The following METTL14 variants were observed in gnomAD, a reference collection of about 807,000 sequenced individuals.
The protein encoded by METTL14 is N(6)-adenosine-methyltransferase non-catalytic subunit METTL14.
METTL14 carries 32 observed loss-of-function variants against 62.4 expected under a neutral mutation model. The observed-to-expected ratio is 0.51, with a 90% CI of 0.39 to 0.69. The LOEUF (loss-of-function observed/expected upper bound fraction) is 0.69, where lower values mean the gene tolerates loss of function less well. Ranked by LOEUF, METTL14 falls within the 30% of genes least tolerant of loss-of-function variation. The pLI is 0.00. For synonymous variants in METTL14, 150 were observed against 180.0 expected, an observed-to-expected ratio of 0.83 and a Z score of 1.34; for missense variants, 340 against 551.9, an observed-to-expected ratio of 0.62 and a Z score of 3.85.
rs1390657568 is a variant in METTL14, at chr4:118,710,563, T to C, written c.*261T>C. 2.0e-5 allele frequency: 7 copies of C among 351,022 alleles called. No homozygotes were observed. The highest frequency in any genetic ancestry group is 3.6e-5 in the Non-Finnish European group (7 of 194,912). The allele number at this position is 351,022 out of a possible 1,614,324, so 21.7% of individuals were successfully genotyped here. ...CTCAAGTAGCTTCATCTTCAGAGAC[T>C]GAATTTATTCTGATAGACTTCAGCT... On this transcript the variant is annotated 3_prime_UTR_variant, in exon 11 of 11. Transcript: ENST00000388822.
At chr4:118,687,839 T>C in intron 1 of METTL14, 84 bp from the exon 2 acceptor site, 1 of 1,030,744 alleles carries the variant, frequency 9.7e-7, no homozygotes, top group South Asian at 1.4e-5. Flanking sequence ...TTTTTAAGTA[T>C]TTAATGTATT....
chr4:118,694,066 ATT>A (rs397816626), intron 5 of METTL14, among the ~76,000 whole-genome samples: 5 of 136,696 alleles, frequency 3.7e-5, no homozygotes, highest in Admixed American at 1.5e-4. Context: ...TAGGATAAGG[ATT>A]TTTTTTTTTT....
rs1416213835 is a variant in METTL14 at position 118,713,976 on chromosome 4, A to T, written c.*3674A>T. The T allele has an allele frequency of 6.6e-6, 1 of 152,208 alleles. No individual in the cohort carries two copies. The highest frequency in any genetic ancestry group is 1.9e-4 in the East Asian group (1 of 5,200). The allele number at this position is 152,208 out of a possible 1,614,324, so 9.4% of individuals were successfully genotyped here. ...TTTTTCCACTACTGGATAAAATATT[A>T]AAATGATCAGTTTGAGTGTATGTTA... On this transcript the variant is annotated 3_prime_UTR_variant, in exon 11 of 11. Coordinates refer to ENST00000388822, the MANE Select transcript of METTL14 (RefSeq NM_020961.4).
rs1277147983 is a variant in METTL14 at position 118,686,591 on chromosome 4, AT to A, written c.66+994del. 3 of 456,088 alleles carry A rather than the reference AT, an allele frequency of 6.6e-6. No homozygotes were observed. In the East Asian group the frequency reaches 2.1e-4, roughly 32 times the overall value. The allele number at this position is 456,088 out of a possible 1,614,324, so 28.3% of individuals were successfully genotyped here. A position where few individuals can be genotyped will look rare whatever the true frequency, so the allele number is the denominator to read the frequency against. On this transcript the variant is annotated intron_variant, in intron 1 of 10. Transcript: ENST00000388822. ...TAAAACCGTGGAAACTTGGAGTCAG[AT>A]TTGTTCCTTTGTTCCTTATCCCGCT...
At chr4:118,699,158 G>A (rs1724514324) in intron 7 of METTL14, among the ~76,000 whole-genome samples, 3 of 152,090 alleles carry the variant, frequency 2.0e-5, no homozygotes, top group East Asian at 1.9e-4. Context: ...CTTAGGAAAC[G>A]GATTAGAATC....
intron 5 of METTL14, 133 bp downstream of exon 5, chr4:118,692,201 G>T: frequency 1.2e-5 from 7 of 572,546 alleles, no homozygotes; most frequent in East Asian, 3.1e-5. Flanking sequence ...AGTGCTTCTG[G>T]TATACCTTCT....
intron 7 of METTL14, among the ~76,000 whole-genome samples, chr4:118,698,327 C>G (rs1724481186): frequency 6.6e-6 from 1 of 151,716 alleles, no homozygotes; most frequent in African/African-American, 2.4e-5. Flanking sequence ...GTGGCACGTA[C>G]CTGTAATCCC....
chr4:118,697,467 G>T lies in METTL14; in HGVS notation c.645+144G>T. The T allele has an allele frequency of 4.2e-6, 3 of 707,798 alleles. No homozygotes were observed. In the South Asian group the frequency reaches 8.1e-5, roughly 19 times the overall value. The allele number at this position is 707,798 out of a possible 1,614,324, so 43.8% of individuals were successfully genotyped here. ...TTTATAGTGTAAATTATAGCTGAAG[G>T]TCCAAGGTACATTGACTAATATTAC... On this transcript the variant is annotated intron_variant, in intron 7 of 10. Transcript: ENST00000388822.
rs1724247911 is a variant in METTL14, at chr4:118,691,583, A to G, written c.295A>G (p.Ile99Val). The change falls in exon 4 of 11, where the codon ATT becomes GTT. Residue 99 changes from isoleucine to valine, a missense_variant. Physicochemically the swap from Ile to Val is conservative, Grantham distance 29. Coordinates refer to ENST00000388822, the MANE Select transcript of METTL14 (RefSeq NM_020961.4). ...DEENLPYEEEIYKDSSTFLKG... is the reference protein window; with the variant it reads ...DEENLPYEEEVYKDSSTFLKG... ...AGAAAATTTGCCATATGAAGAAGAG[A>G]TTTACAAAGATTCTAGTACTTTTCT... The G allele has an allele frequency of 6.5e-7, 1 of 1,547,834 alleles. No homozygotes were observed. Among genetic ancestry groups the G allele is most frequent in the African/African-American group, 1.4e-5 (1 of 72,056 alleles).
chr4:118,688,771 T>C (rs956772334), intron 2 of METTL14, among the ~76,000 whole-genome samples: 3 of 152,144 alleles, frequency 2.0e-5, no homozygotes, highest in Admixed American at 6.5e-5. Flanking sequence ...CCTCCAGGGT[T>C]GAAGCAATTC....
In METTL14 at chr4:118,710,654, T is replaced by C. The variant is rs1049352665; in HGVS notation, c.*352T>C. On this transcript the variant is annotated 3_prime_UTR_variant, in exon 11 of 11. Coordinates refer to ENST00000388822, the MANE Select transcript of METTL14 (RefSeq NM_020961.4). ...GAAAAAGATCCAGTCTGTGGTATCA[T>C]GCTAGTGCTGACAGGGCCTTGATAG... 5.7e-5 allele frequency: 10 copies of C among 176,442 alleles called. No homozygotes were observed. Among genetic ancestry groups the C allele is most frequent in the Non-Finnish European group, 1.2e-4 (10 of 84,122 alleles). 10.9% of individuals were successfully genotyped at this position (176,442 alleles called of 1,614,324 possible). A position where few individuals can be genotyped will look rare whatever the true frequency, so the allele number is the denominator to read the frequency against.
At chr4:118,707,586 C>T (rs1724791895) in intron 10 of METTL14, among the ~76,000 whole-genome samples, 1 of 150,216 alleles carries the variant, frequency 6.7e-6, no homozygotes, top group Admixed American at 6.6e-5. Flanking sequence ...ATCACTTGAA[C>T]CTGGGAGGCA....
chr4:118,703,977 T>C lies in METTL14; in HGVS notation c.781T>C (p.Trp261Arg). The change falls in exon 9 of 11, where the codon TGG becomes CGG. Residue 261 changes from tryptophan (W) to arginine (R), a missense_variant. Around this residue, in one of 7 missense-constraint regions of METTL14, gnomAD observed 58 missense variants for 147.5 expected, o/e 0.39. Coordinates refer to ENST00000388822, the MANE Select transcript of METTL14 (RefSeq NM_020961.4). Reference sequence around the variant, plus strand: ...TTACAGAAGATGTGAAGATATTTGTTGGATTAAAACCAATAAAAACAATCC... The same window carrying C: ...TTACAGAAGATGTGAAGATATTTGTCGGATTAAAACCAATAAAAACAATCC... ...WGYRRCEDICWIKTNKNNPGK... is the reference protein window; with the variant it reads ...WGYRRCEDICRIKTNKNNPGK... The C allele has an allele frequency of 6.3e-7, 1 of 1,589,152 alleles. No individual in the cohort carries two copies. Among genetic ancestry groups the C allele is most frequent in the South Asian group, 1.2e-5 (1 of 85,402 alleles).
chr4:118,696,141 A>G (rs1724405276), intron 6 of METTL14, among the ~76,000 whole-genome samples: 1 of 150,720 alleles, frequency 6.6e-6, no homozygotes, highest in Non-Finnish European at 1.5e-5. Flanking sequence ...AAAAAAAAAA[A>G]AAAATTGTAT....
In METTL14 at chr4:118,715,121, G is replaced by T. The variant is rs1725013650; in HGVS notation, c.*4819G>T. ...ATTCATCTATCCAATGGGGGAAAAT[G>T]TGGAGGTCTAGGCTTGTGTTGTCAC... is the stretch of plus-strand genomic sequence containing the variant. On this transcript the variant is annotated 3_prime_UTR_variant, in exon 11 of 11. Coordinates refer to ENST00000388822, the MANE Select transcript of METTL14 (RefSeq NM_020961.4). 1 of 152,392 alleles carries T rather than the reference G, an allele frequency of 6.6e-6. No homozygotes were observed. The highest frequency in any genetic ancestry group is 2.4e-5 in the African/African-American group (1 of 41,592). The allele number at this position is 152,392 out of a possible 1,614,324, so 9.4% of individuals were successfully genotyped here.
At position 118,689,469 on chromosome 4, in the gene METTL14, G is replaced by C; in HGVS notation, c.243+12G>C. On this transcript the variant is annotated intron_variant, in intron 3 of 10. Coordinates refer to ENST00000388822, the MANE Select transcript of METTL14 (RefSeq NM_020961.4). ...TGGAAGAATATAAGGCAAGTAGAGA[G>C]TGAAATAAGTTTATGGTCAAAGAAA... 1 of 1,437,456 alleles carries C rather than the reference G, an allele frequency of 7.0e-7. No homozygotes were observed. Among genetic ancestry groups the C allele is most frequent in the Non-Finnish European group, 9.7e-7 (1 of 1,035,764 alleles). 89.0% of individuals were successfully genotyped at this position (1,437,456 alleles called of 1,614,324 possible).
intron 10 of METTL14, among the ~76,000 whole-genome samples, chr4:118,706,569 G>T (rs981548366): frequency 6.6e-6 from 1 of 152,164 alleles, no homozygotes; most frequent in African/African-American, 2.4e-5. Context: ...TTGTGTGGTC[G>T]TAAGTTTTCA....
At chr4:118,688,542 C>T (rs764036725) in intron 2 of METTL14, among the ~76,000 whole-genome samples, 13 of 151,776 alleles carry the variant, frequency 8.6e-5, no homozygotes, top group Non-Finnish European at 1.5e-4. Flanking sequence ...ATTTTAGACA[C>T]AATGGTTTTT....
At chr4:118,700,374 C>G (rs1432896322) in intron 7 of METTL14, among the ~76,000 whole-genome samples, 176 bp from the exon 8 acceptor site, 1 of 152,006 alleles carries the variant, frequency 6.6e-6, no homozygotes, top group East Asian at 1.9e-4. Flanking sequence ...TATAAAGTAA[C>G]AAAACAATAG....
Sources: allele counts gnomAD v4.1 joint callset (sites outside exome capture counted in the v4.1 genomes callset), GRCh38; gene constraint gnomAD v4.1.1; regional missense constraint gnomAD v4.1.1; transcripts MANE v1.5; gene names NCBI Gene and HGNC (gene_info 2026-07-23, HGNC 2026-07-21).